LIMK1: variants seen among roughly 807,000 people sequenced by gnomAD.
LIMK1 encodes the protein LIM motif-containing protein kinase.
In LIMK1, 21 loss-of-function variants were observed where a neutral mutation model predicts 77.6. The ratio of observed to expected loss-of-function variants is 0.27; its 90% CI spans 0.19 to 0.39. The LOEUF is 0.39. LIMK1 is among the 10% of genes least tolerant of loss of function. The pLI, the probability that LIMK1 is intolerant of heterozygous loss-of-function variation, is 1.00. For synonymous variants in LIMK1, 358 were observed against 370.0 expected (o/e 0.97, Z 0.37); for missense variants, 696 against 901.6 (o/e 0.77, Z 2.92).
rs1799568573 is a variant in LIMK1 at position 74,106,125 on chromosome 7, G to C, written c.763G>C (p.Glu255Gln). The C allele has an allele frequency of 1.9e-6, 3 of 1,613,992 alleles. No individual in the cohort carries two copies. Among genetic ancestry groups the C allele is most frequent in the Non-Finnish European group, 2.5e-6 (3 of 1,180,006 alleles). ...CAGCCGCCTGCTCCAGCTGACCCTCGAGCATGACCCTCACGATACACTGGG... is the reference window on the plus strand; with the variant it reads ...CAGCCGCCTGCTCCAGCTGACCCTCCAGCATGACCCTCACGATACACTGGG... ...ETSRLLQLTL[E>Q]HDPHDTLGHG... The change falls in exon 7 of 16, where the codon GAG becomes CAG. Residue 255 changes from glutamate to glutamine, a missense_variant. Coordinates refer to ENST00000336180, the MANE Select transcript of LIMK1 (RefSeq NM_002314.4).
chr7:74,112,753 A>G (rs1554698851), intron 12 of LIMK1, among the ~76,000 whole-genome samples: 1 of 152,000 alleles, frequency 6.6e-6, no homozygotes, highest in East Asian at 1.9e-4. Context: ...TGAACCCGGG[A>G]GGCGGAACTT....
At chr7:74,107,305 T>C in intron 8 of LIMK1, 112 bp downstream of exon 8, 2 of 1,188,844 alleles carry the variant, frequency 1.7e-6, no homozygotes, top group Non-Finnish European at 2.3e-6. Flanking sequence ...CCAGACTCCC[T>C]GGCCAGTGCC....
intron 4 of LIMK1, among the ~76,000 whole-genome samples, chr7:74,097,393 C>T (rs553355554): frequency 8.5e-5 from 13 of 152,322 alleles, no homozygotes; most frequent in South Asian, 4.1e-4. Context: ...AAGCCTCAGA[C>T]GGCCAGGCAT....
intron 12 of LIMK1, 179 bp from the exon 13 acceptor site, chr7:74,115,623 C>T: frequency 1.6e-6 from 1 of 606,914 alleles, no homozygotes; most frequent in Non-Finnish European, 2.9e-6. Flanking sequence ...TCCCGCAGCT[C>T]CATTTGCAAA....
intron 14 of LIMK1, 50 bp from the exon 15 acceptor site, chr7:74,120,842 G>A: frequency 6.2e-7 from 1 of 1,610,832 alleles, no homozygotes; most frequent in South Asian, 1.1e-5. Flanking sequence ...GCACCCAGAT[G>A]CCCAGGCTGA....
At chr7:74,088,314 C>T (rs1416318343) in intron 2 of LIMK1, among the ~76,000 whole-genome samples, 1 of 152,114 alleles carries the variant, frequency 6.6e-6, no homozygotes, top group Admixed American at 6.6e-5. Context: ...GCATCAGGTG[C>T]TCAGAAAGAG....
intron 9 of LIMK1, among the ~76,000 whole-genome samples, chr7:74,108,694 G>C (rs979913830): frequency 1.1e-4 from 17 of 151,646 alleles, no homozygotes; most frequent in Non-Finnish European, 2.1e-4. Context: ...GCAGGCAGGG[G>C]ACTGGGAAAA....
At chr7:74,096,513 A>G in intron 2 of LIMK1, 109 bp from the exon 3 acceptor site, 1 of 1,469,852 alleles carries the variant, frequency 6.8e-7, no homozygotes, top group Non-Finnish European at 9.3e-7. Flanking sequence ...AAACAAACAA[A>G]AAGAAAACTT....
intron 2 of LIMK1, among the ~76,000 whole-genome samples, chr7:74,095,275 A>G (rs1391571948): frequency 6.6e-6 from 1 of 151,974 alleles, no homozygotes; most frequent in East Asian, 1.9e-4. Context: ...TAGCACCCAA[A>G]CAGTGGCAGA....
At chr7:74,103,109 CCACCCACCT>C (rs1799500840) in intron 5 of LIMK1, among the ~76,000 whole-genome samples, 1 of 152,098 alleles carries the variant, frequency 6.6e-6, no homozygotes, top group Non-Finnish European at 1.5e-5. Context: ...CTCAAATGAT[CCACCCACCT>C]CAGCCTCCCA....
At chr7:74,101,801 C>CATATATATATATAT (rs10552134) in intron 5 of LIMK1, among the ~76,000 whole-genome samples, 51 of 146,188 alleles carry the variant, frequency 3.5e-4, no homozygotes, top group African/African-American at 1.2e-3. Flanking sequence ...ATATGTATGT[C>CATATATATATATAT]ATATATATAT....
chr7:74,121,441 A>G lies in LIMK1; in HGVS notation c.*140A>G, dbSNP rs1563927441. The G allele has an allele frequency of 8.5e-6, 7 of 820,158 alleles. No individual in the cohort carries two copies. Among genetic ancestry groups the G allele is most frequent in the African/African-American group, 1.7e-5 (1 of 57,550 alleles). The allele number at this position is 820,158 out of a possible 1,614,324, so 50.8% of individuals were successfully genotyped here. On this transcript the variant is annotated 3_prime_UTR_variant, in exon 16 of 16. Transcript: ENST00000336180. ...GCCAGGCCCTGACTTGCCTTCTCCC[A>G]CCCCGTGGACCGCTTCCCCTGCCTT...
At chr7:74,099,659 G>A (rs944541059) in intron 5 of LIMK1, among the ~76,000 whole-genome samples, 6 of 151,954 alleles carry the variant, frequency 3.9e-5, no homozygotes, top group Non-Finnish European at 7.4e-5. Flanking sequence ...GAACCCAGGA[G>A]GTGGAGGTTT....
intron 5 of LIMK1, among the ~76,000 whole-genome samples, chr7:74,100,854 G>T (rs959774711): frequency 2.0e-5 from 3 of 151,810 alleles, no homozygotes; most frequent in Non-Finnish European, 1.5e-5. Context: ...TCCTGCCTCA[G>T]CCTCCCGAGT....
At chr7:74,098,183 C>T (rs1799373478) in intron 4 of LIMK1, among the ~76,000 whole-genome samples, 1 of 152,166 alleles carries the variant, frequency 6.6e-6, no homozygotes, top group Non-Finnish European at 1.5e-5. Flanking sequence ...AGCTGCAACC[C>T]TCTTCAAATC....
At chr7:74,086,836 CCAGGCCTTAAG>C (rs566261518) in intron 2 of LIMK1, among the ~76,000 whole-genome samples, 13 of 152,296 alleles carry the variant, frequency 8.5e-5, no homozygotes, top group African/African-American at 3.1e-4. Flanking sequence ...GGAAGACAAA[CCAGGCCTTAAG>C]GGAAACCAGG....
intron 2 of LIMK1, among the ~76,000 whole-genome samples, chr7:74,093,648 G>A (rs1799280708): frequency 1.3e-5 from 2 of 152,282 alleles, no homozygotes; most frequent in South Asian, 2.1e-4. Flanking sequence ...CATGCCCTCC[G>A]GGTGCCTCCC....
Position 74,107,859 on chromosome 7 carries a change from T to A in LIMK1, c.1066-12T>A. 6.4e-7 allele frequency: 1 copy of A among 1,558,602 alleles called. No individual in the cohort carries two copies. Among genetic ancestry groups the A allele is most frequent in the South Asian group, 1.2e-5 (1 of 84,474 alleles). On this transcript the variant is annotated splice_polypyrimidine_tract_variant and intron_variant, in intron 8 of 15. Transcript: ENST00000336180. ...GAGCTTCTGTCTTCACACCTCTGTGTCCCACACGCAGGTGACACACCGTGA... is the reference window on the plus strand; with the variant it reads ...GAGCTTCTGTCTTCACACCTCTGTGACCCACACGCAGGTGACACACCGTGA...
intron 2 of LIMK1, among the ~76,000 whole-genome samples, chr7:74,088,186 A>G (rs1392778742): frequency 6.6e-6 from 1 of 152,206 alleles, no homozygotes; most frequent in Admixed American, 6.5e-5. Context: ...TTGTTTTGCC[A>G]GAGAGAAAAT....
Sources: allele counts gnomAD v4.1 joint callset (sites outside exome capture counted in the v4.1 genomes callset), GRCh38; gene constraint gnomAD v4.1.1; transcripts MANE v1.5; gene names NCBI Gene and HGNC (gene_info 2026-07-23, HGNC 2026-07-21).